FARS2: variants seen among roughly 807,000 people sequenced by gnomAD.
FARS2 encodes phenylalanine--tRNA ligase, mitochondrial.
A neutral mutation model predicts 46.4 loss-of-function variants in FARS2; 40 were observed. That is an observed-to-expected ratio of 0.86 (90% CI 0.67 to 1.12). The LOEUF (loss-of-function observed/expected upper bound fraction) is 1.12, where lower values mean the gene tolerates loss of function less well. Among genes scored for constraint, FARS2 ranks in the 50% most tolerant of loss-of-function variants. FARS2 has a pLI of 0.00. For missense variants in FARS2, 513 were observed against 567.9 expected (o/e 0.90, Z 0.98); for synonymous variants, 234 against 214.9 (o/e 1.09, Z -0.78).
intron 6 of FARS2, among the ~76,000 whole-genome samples, chr6:5,735,439 G>C (rs762437875): frequency 4.6e-5 from 7 of 152,186 alleles, no homozygotes; most frequent in Non-Finnish European, 8.8e-5. Flanking sequence ...TTTGGAGGAA[G>C]ACAGCTCCAG....
intron 4 of FARS2, among the ~76,000 whole-genome samples, chr6:5,524,473 G>T: frequency 6.6e-6 from 1 of 152,250 alleles, no homozygotes; most frequent in East Asian, 1.9e-4. Flanking sequence ...TGAGTGATTT[G>T]TTCACAGTGA....
In FARS2 at chr6:5,412,824, G is replaced by A. The variant is rs1356436206; in HGVS notation, c.772+8123G>A. On this transcript the variant is annotated intron_variant, in intron 3 of 6. Transcript: ENST00000274680. ...TGTTATCCTTCTCAGAGTACTCCTA[G>A]ACAGCGAAGTAGCCAAGGCAGTTGT... Among the ~76,000 whole-genome samples, 5 of 152,110 alleles carry A rather than the reference G, an allele frequency of 3.3e-5. No individual in the cohort carries two copies. The East Asian group carries it at 9.6e-4, about 29-fold the overall frequency.
At chr6:5,538,665 G>C (rs572278536) in intron 4 of FARS2, among the ~76,000 whole-genome samples, 1 of 152,160 alleles carries the variant, frequency 6.6e-6, no homozygotes, top group African/African-American at 2.4e-5. Flanking sequence ...ATATGATAGA[G>C]TGGTCACGTC....
At chr6:5,346,008 C>T (rs1244355110) in intron 1 of FARS2, among the ~76,000 whole-genome samples, 2 of 152,266 alleles carry the variant, frequency 1.3e-5, no homozygotes, top group African/African-American at 2.4e-5. Context: ...CAGGGCATGG[C>T]GGTGTGGGAG....
At chr6:5,604,200 C>T (rs1774696849) in intron 5 of FARS2, among the ~76,000 whole-genome samples, 1 of 152,152 alleles carries the variant, frequency 6.6e-6, no homozygotes, top group Admixed American at 6.5e-5. Context: ...GCGAGGTTGC[C>T]AGGGGGCCCT....
At chr6:5,690,265 G>A (rs1394385990) in intron 6 of FARS2, among the ~76,000 whole-genome samples, 2 of 152,164 alleles carry the variant, frequency 1.3e-5, no homozygotes, top group Admixed American at 6.5e-5. Flanking sequence ...TATTGTGCTC[G>A]TTAGTTGATG....
At chr6:5,330,999 C>T (rs1000523419) in intron 1 of FARS2, among the ~76,000 whole-genome samples, 5 of 150,660 alleles carry the variant, frequency 3.3e-5, no homozygotes, top group African/African-American at 7.3e-5. Context: ...GAGCTACTTG[C>T]GGGGCTGAAG....
At chr6:5,746,372 C>T (rs1055010960) in intron 6 of FARS2, among the ~76,000 whole-genome samples, 4 of 152,142 alleles carry the variant, frequency 2.6e-5, no homozygotes, top group Admixed American at 2.6e-4. Context: ...ATGTGTTTGA[C>T]AACGGCAGGT....
intron 2 of FARS2, among the ~76,000 whole-genome samples, chr6:5,403,951 T>A (rs1761407484): frequency 6.6e-6 from 1 of 152,264 alleles, no homozygotes; most frequent in Non-Finnish European, 1.5e-5. Flanking sequence ...CTGTATTTTT[T>A]ATATATTATT....
At chr6:5,322,539 G>A (rs1770055182) in intron 1 of FARS2, among the ~76,000 whole-genome samples, 1 of 152,150 alleles carries the variant, frequency 6.6e-6, no homozygotes, top group East Asian at 1.9e-4. Context: ...ATTAAGTGAG[G>A]GACTGAAGCT....
intron 6 of FARS2, among the ~76,000 whole-genome samples, chr6:5,770,691 G>A (rs890100974): frequency 2.0e-5 from 3 of 152,192 alleles, no homozygotes; most frequent in Non-Finnish European, 4.4e-5. Flanking sequence ...TTACTCAGCT[G>A]TTCTATGCAA....
intron 6 of FARS2, among the ~76,000 whole-genome samples, chr6:5,649,059 C>G (rs529508400): frequency 1.3e-5 from 2 of 152,326 alleles, no homozygotes; most frequent in East Asian, 3.9e-4. Context: ...TACAAAATGT[C>G]TTTTCAAAGT....
chr6:5,706,807 T>G (rs1422559381), intron 6 of FARS2, among the ~76,000 whole-genome samples: 2 of 152,232 alleles, frequency 1.3e-5, no homozygotes, highest in Non-Finnish European at 2.9e-5. Context: ...TGCCAAATAT[T>G]GCTGAATGAA....
At chr6:5,578,818 A>C (rs1379257145) in intron 5 of FARS2, among the ~76,000 whole-genome samples, 23 of 55,448 alleles carry the variant, frequency 4.1e-4, no homozygotes, top group South Asian at 1.8e-3. Context: ...CAAAAAAAAA[A>C]AAAAAAAAAA....
intron 1 of FARS2, among the ~76,000 whole-genome samples, chr6:5,282,493 A>G (rs1766806332): frequency 1.3e-5 from 2 of 152,216 alleles, no homozygotes; most frequent in Admixed American, 1.3e-4. Context: ...AAGGGAGACA[A>G]TCATGACATG....
chr6:5,348,344 G>T (rs1199553524), intron 1 of FARS2, among the ~76,000 whole-genome samples: 1 of 151,388 alleles, frequency 6.6e-6, no homozygotes, highest in South Asian at 2.1e-4. Context: ...GGATGTATGT[G>T]TGTGCTGTGA....
chr6:5,591,932 A>C (rs1582526724), intron 5 of FARS2, among the ~76,000 whole-genome samples: 1 of 152,178 alleles, frequency 6.6e-6, no homozygotes, highest in African/African-American at 2.4e-5. Flanking sequence ...TGTGCCTTTC[A>C]TGTTTCTTCG....
chr6:5,532,414 A>G (rs1769899397), intron 4 of FARS2, among the ~76,000 whole-genome samples: 1 of 152,232 alleles, frequency 6.6e-6, no homozygotes, highest in African/African-American at 2.4e-5. Context: ...ATAAAACTCA[A>G]GATAATATAG....
At position 5,548,155 on chromosome 6, in the gene FARS2, A is replaced by G. The variant is rs144456550; in HGVS notation, c.1065+2815A>G. Among the ~76,000 whole-genome samples, 150 of 152,314 alleles carry G rather than the reference A, an allele frequency of 9.8e-4. 2 individuals carry two copies. In the East Asian group the frequency reaches 0.026, roughly 26 times the overall value. On this transcript the variant is annotated intron_variant, in intron 5 of 6. Coordinates refer to ENST00000274680, the MANE Select transcript of FARS2 (RefSeq NM_006567.5). ...TTAATCACTATCACGAGAATAGCAC[A>G]GGAAAGACCGGCCCCTGTGATTCCA...
Sources: gnomAD v4.1 joint callset for allele counts (sites outside exome capture counted in the v4.1 genomes callset) on GRCh38, gnomAD v4.1.1 for gene constraint, MANE v1.5 for transcripts, NCBI Gene and HGNC (gene_info 2026-07-23, HGNC 2026-07-21) for gene names.